Variants in SPAG16 observed in about 807,000 individuals in gnomAD.
The protein encoded by SPAG16 is sperm-associated antigen 16 protein.
SPAG16 carries 86 observed loss-of-function variants against 80.4 expected under a neutral mutation model. The ratio of observed to expected loss-of-function variants is 1.07; its 90% CI spans 0.90 to 1.28. The LOEUF (loss-of-function observed/expected upper bound fraction) is 1.28. Among genes scored for constraint, SPAG16 ranks in the 50% most tolerant of loss-of-function variants. SPAG16 has a pLI of 0.00. For missense variants in SPAG16, 870 were observed against 765.3 expected, an observed-to-expected ratio of 1.14 and a Z score of -1.61; for synonymous variants, 294 against 265.9, an observed-to-expected ratio of 1.11 and a Z score of -1.03.
intron 15 of SPAG16, among the ~76,000 whole-genome samples, chr2:214,274,875 C>T (rs113139135): frequency 0.017 from 2,601 of 152,238 alleles, 49 homozygotes; most frequent in African/African-American, 0.04. Context: ...GCAATGGTAC[C>T]AGCTCCTCTT....
In SPAG16 at chr2:213,862,466, T is replaced by C. The variant is rs2075511793; in HGVS notation, c.1071-19T>C. ...TGCTATTATCTCCCCATAACTCTTT[T>C]TTCTTTCTCCTCGCGCAGTGTCTCC... On this transcript the variant is annotated intron_variant, in intron 10 of 15. Transcript: ENST00000331683. The C allele has an allele frequency of 6.2e-7, 1 of 1,611,302 alleles. No individual in the cohort carries two copies.
At chr2:213,513,323 A>T (rs1385038524) in intron 10 of SPAG16, among the ~76,000 whole-genome samples, 1 of 152,160 alleles carries the variant, frequency 6.6e-6, no homozygotes. Context: ...CACTTTGAGG[A>T]TGGGGACCTA....
intron 10 of SPAG16, among the ~76,000 whole-genome samples, chr2:213,777,501 G>T (rs1420344535): frequency 1.3e-5 from 2 of 151,884 alleles, no homozygotes; most frequent in Non-Finnish European, 1.5e-5. Context: ...CCGCCTCCCG[G>T]GTTCACGCCA....
chr2:213,492,344 A>G (rs1447910576), intron 10 of SPAG16, among the ~76,000 whole-genome samples: 4 of 152,012 alleles, frequency 2.6e-5, no homozygotes, highest in African/African-American at 7.2e-5. Context: ...ACTAGGTCAG[A>G]TTGAGACCAT....
intron 13 of SPAG16, among the ~76,000 whole-genome samples, chr2:214,070,038 T>TA (rs1016590521): frequency 3.3e-5 from 5 of 151,820 alleles, no homozygotes; most frequent in Admixed American, 3.3e-4. Flanking sequence ...TTCTCTTTTT[T>TA]AATTGCCTAT....
At chr2:214,211,146 A>G (rs2125747877) in intron 15 of SPAG16, among the ~76,000 whole-genome samples, 1 of 152,278 alleles carries the variant, frequency 6.6e-6, no homozygotes, top group African/African-American at 2.4e-5. Flanking sequence ...ATTCAGAAAT[A>G]ATTATTTTTA....
chr2:214,084,976 G>C (rs1295136671), intron 13 of SPAG16, among the ~76,000 whole-genome samples: 4 of 152,184 alleles, frequency 2.6e-5, no homozygotes, highest in African/African-American at 4.8e-5. Flanking sequence ...AAGACTGTTA[G>C]AAGACAAAGC....
intron 10 of SPAG16, among the ~76,000 whole-genome samples, chr2:213,832,204 G>A (rs535759502): frequency 6.6e-6 from 1 of 151,742 alleles, no homozygotes; most frequent in Non-Finnish European, 1.5e-5. Flanking sequence ...CATCATCTTG[G>A]CCAGGCTGAT....
chr2:213,574,195 C>T (rs888039375), intron 10 of SPAG16, among the ~76,000 whole-genome samples: 2 of 152,164 alleles, frequency 1.3e-5, no homozygotes, highest in Admixed American at 1.3e-4. Context: ...TGTAGAAAAA[C>T]TGTCTAATCT....
chr2:213,838,729 G>C (rs907402654), intron 10 of SPAG16, among the ~76,000 whole-genome samples: 19 of 152,184 alleles, frequency 1.2e-4, no homozygotes, highest in African/African-American at 4.3e-4. Context: ...CTGATTGGCT[G>C]TTTCAAAATT....
chr2:213,414,769 T>C, intron 9 of SPAG16, among the ~76,000 whole-genome samples: 1 of 152,250 alleles, frequency 6.6e-6, no homozygotes, highest in East Asian at 1.9e-4. Flanking sequence ...GATAAACTAT[T>C]TGACCTAGAG....
intron 10 of SPAG16, among the ~76,000 whole-genome samples, chr2:213,772,991 T>C (rs890534093): frequency 1.3e-4 from 20 of 152,110 alleles, no homozygotes; most frequent in Admixed American, 9.2e-4. Flanking sequence ...TACTTATTCT[T>C]TTTTTTTCAA....
chr2:214,104,561 G>A (rs1177767655), intron 13 of SPAG16, among the ~76,000 whole-genome samples: 1 of 152,020 alleles, frequency 6.6e-6, no homozygotes, highest in Non-Finnish European at 1.5e-5. Context: ...GTAGATAAGG[G>A]TTGGGGCTGG....
At chr2:213,289,314 A>G (rs946964003) in intron 1 of SPAG16, among the ~76,000 whole-genome samples, 1 of 152,248 alleles carries the variant, frequency 6.6e-6, no homozygotes, top group African/African-American at 2.4e-5. Flanking sequence ...TTATACCACC[A>G]GCTGCCATGA....
Position 213,658,704 on chromosome 2 carries a change from A to G in SPAG16, c.1070+168614A>G, listed in dbSNP as rs111820416. Among the ~76,000 whole-genome samples, 148 of 152,328 alleles carry G rather than the reference A, an allele frequency of 9.7e-4. 1 individual carries two copies. Among genetic ancestry groups the G allele is most frequent in the Middle Eastern group, 3.4e-3 (1 of 294 alleles). ...CATAACTGCCAGGAACTATGTCTCT[A>G]GAGAGGTGCTGGAGTGAAGAGTTTG... is the stretch of plus-strand genomic sequence containing the variant. On this transcript the variant is annotated intron_variant, in intron 10 of 15. Coordinates refer to ENST00000331683, the MANE Select transcript of SPAG16 (RefSeq NM_024532.5).
At chr2:213,417,677 C>T (rs942535017) in intron 9 of SPAG16, among the ~76,000 whole-genome samples, 7 of 151,938 alleles carry the variant, frequency 4.6e-5, no homozygotes, top group East Asian at 1.9e-4. Flanking sequence ...TAAGGCATAA[C>T]GAAGAAACTA....
At chr2:214,120,002 A>G (rs1440368225) in intron 14 of SPAG16, among the ~76,000 whole-genome samples, 1 of 151,936 alleles carries the variant, frequency 6.6e-6, no homozygotes, top group Non-Finnish European at 1.5e-5. Context: ...CTGTGTCTAC[A>G]TGTAGATTTG....
At chr2:214,170,556 T>A (rs918387827) in intron 15 of SPAG16, among the ~76,000 whole-genome samples, 2 of 152,046 alleles carry the variant, frequency 1.3e-5, no homozygotes, top group Non-Finnish European at 1.5e-5. Context: ...GGGATATTAC[T>A]TTCATTCAGA....
At chr2:213,565,070 C>T (rs1212509417) in intron 10 of SPAG16, among the ~76,000 whole-genome samples, 1 of 152,100 alleles carries the variant, frequency 6.6e-6, no homozygotes, top group Non-Finnish European at 1.5e-5. Context: ...AGAAGAGTTA[C>T]TCAAATAAGA....
Sources: gnomAD v4.1 joint callset for allele counts (sites outside exome capture counted in the v4.1 genomes callset) on GRCh38, gnomAD v4.1.1 for gene constraint, MANE v1.5 for transcripts, NCBI Gene and HGNC (gene_info 2026-07-23, HGNC 2026-07-21) for gene names.